Variants in CADM2 observed in about 807,000 individuals in gnomAD.
CADM2 encodes the protein immunoglobulin superfamily member 4D.
Under a neutral mutation model 49.8 loss-of-function variants are expected in CADM2, and 12 were observed. The observed-to-expected ratio is 0.24, with a 90% CI of 0.15 to 0.39. The LOEUF is 0.39. Among genes scored for constraint, CADM2 ranks in the 10% least tolerant of loss-of-function variants. CADM2 has a pLI of 1.00. For synonymous variants in CADM2, 214 were observed against 175.4 expected (o/e 1.22, Z -1.74); for missense variants, 378 against 492.3 (o/e 0.77, Z 2.20).
At position 85,191,945 on chromosome 3, in the gene CADM2, T is replaced by TTGTATGTGTG. The variant is rs5850675; in HGVS notation, c.61+232280_61+232281insATGTGTGTGT. 5.4e-5 allele frequency among the ~76,000 whole-genome samples: 8 copies of TTGTATGTGTG among 149,106 alleles called. No homozygotes were observed. In the South Asian group the frequency reaches 1.3e-3, roughly 24 times the overall value. ...AATAGAGAGTAATAAGATGAAACAG[T>TTGTATGTGTG]TGTGTGTGTGTGTGTGTGTGTGTGT... On this transcript the variant is annotated intron_variant, in intron 1 of 9. Transcript: ENST00000383699.
intron 5 of CADM2, among the ~76,000 whole-genome samples, chr3:85,904,460 C>G (rs1352127143): frequency 6.6e-6 from 1 of 152,142 alleles, no homozygotes; most frequent in Non-Finnish European, 1.5e-5. Flanking sequence ...GTACATCTAT[C>G]CAGTTTTCCT....
In CADM2 at chr3:85,158,023, C is replaced by T. The variant is rs187586521; in HGVS notation, c.61+198355C>T. On this transcript the variant is annotated intron_variant, in intron 1 of 9. Coordinates refer to ENST00000383699, the MANE Select transcript of CADM2 (RefSeq NM_001167675.2). Reference sequence around the variant, plus strand: ...AAAACAAACAATCCCATCAAAAAGTCGGCGAAGGACATGAACAGACACTTC... The same window carrying T: ...AAAACAAACAATCCCATCAAAAAGTTGGCGAAGGACATGAACAGACACTTC... 3.7e-3 allele frequency among the ~76,000 whole-genome samples: 566 copies of T among 152,056 alleles called. 5 individuals carry two copies. The highest frequency in any genetic ancestry group is 0.013 in the African/African-American group (539 of 41,482).
chr3:85,667,113 T>C (rs1410979261), intron 1 of CADM2, among the ~76,000 whole-genome samples: 1 of 151,948 alleles, frequency 6.6e-6, no homozygotes, highest in Non-Finnish European at 1.5e-5. Context: ...GGTAAAATCA[T>C]AATAAGAGCA....
intron 1 of CADM2, among the ~76,000 whole-genome samples, chr3:85,234,015 A>G (rs1186893329): frequency 6.6e-6 from 1 of 152,140 alleles, no homozygotes; most frequent in Non-Finnish European, 1.5e-5. Context: ...GAAGTTCTAC[A>G]TGGATTATCT....
chr3:85,792,496 CAA>C (rs1249653210), intron 2 of CADM2, among the ~76,000 whole-genome samples: 10 of 152,192 alleles, frequency 6.6e-5, no homozygotes, highest in Non-Finnish European at 1.5e-4. Context: ...AAATAGCTCA[CAA>C]AATTTGATCA....
At chr3:85,456,359 A>G (rs2037989419) in intron 1 of CADM2, among the ~76,000 whole-genome samples, 1 of 152,124 alleles carries the variant, frequency 6.6e-6, no homozygotes, top group Admixed American at 6.5e-5. Flanking sequence ...AGACCACACA[A>G]TACTATAGCC....
intron 1 of CADM2, among the ~76,000 whole-genome samples, chr3:85,605,264 A>G (rs2063513306): frequency 6.6e-6 from 1 of 152,118 alleles, no homozygotes; most frequent in Non-Finnish European, 1.5e-5. Flanking sequence ...CACAAAACTC[A>G]GAAAGGCAAA....
intron 1 of CADM2, among the ~76,000 whole-genome samples, chr3:85,490,413 C>T (rs1248527055): frequency 6.6e-6 from 1 of 151,192 alleles, no homozygotes. Flanking sequence ...GTGTTTTTAA[C>T]TCAATGTAAA....
chr3:85,251,820 C>T (rs2042780440), intron 1 of CADM2, among the ~76,000 whole-genome samples: 1 of 151,904 alleles, frequency 6.6e-6, no homozygotes, highest in South Asian at 2.1e-4. Flanking sequence ...GGTTTTTATA[C>T]CGAAAGCACT....
At chr3:85,429,227 A>G (rs1234762959) in intron 1 of CADM2, among the ~76,000 whole-genome samples, 2 of 152,028 alleles carry the variant, frequency 1.3e-5, no homozygotes, top group Non-Finnish European at 2.9e-5. Flanking sequence ...AATAATCTGT[A>G]CGTGTTTAGT....
intron 1 of CADM2, among the ~76,000 whole-genome samples, chr3:85,336,356 T>C (rs2045078292): frequency 6.6e-6 from 1 of 151,580 alleles, no homozygotes; most frequent in Non-Finnish European, 1.5e-5. Flanking sequence ...TTATTTGTTA[T>C]AGGCCAGTTA....
intron 1 of CADM2, among the ~76,000 whole-genome samples, chr3:85,049,818 G>A (rs973913456): frequency 3.3e-5 from 5 of 152,034 alleles, no homozygotes; most frequent in African/African-American, 1.2e-4. Context: ...ATGAAAGTTA[G>A]ATAGATAATT....
intron 1 of CADM2, among the ~76,000 whole-genome samples, chr3:85,400,188 C>A (rs1008077858): frequency 1.3e-5 from 2 of 152,120 alleles, no homozygotes; most frequent in African/African-American, 4.8e-5. Context: ...AAGGCCTTTT[C>A]TGCATCTATT....
intron 1 of CADM2, among the ~76,000 whole-genome samples, chr3:85,295,096 A>G (rs2043919724): frequency 6.6e-6 from 1 of 152,200 alleles, no homozygotes; most frequent in South Asian, 2.1e-4. Flanking sequence ...ATTTAGAAGA[A>G]AAAAACAAAC....
intron 1 of CADM2, among the ~76,000 whole-genome samples, chr3:85,002,100 A>G (rs2033493714): frequency 6.6e-6 from 1 of 151,962 alleles, no homozygotes; most frequent in Non-Finnish European, 1.5e-5. Flanking sequence ...TCTTAACATG[A>G]TTTGCTCAAT....
At chr3:85,917,527 A>G (rs1166147311) in intron 6 of CADM2, among the ~76,000 whole-genome samples, 1 of 152,020 alleles carries the variant, frequency 6.6e-6, no homozygotes, top group African/African-American at 2.4e-5. Flanking sequence ...ATTGGCCTAT[A>G]TCTCTGTTTT....
chr3:85,853,828 T>C (rs1336241843), intron 3 of CADM2, among the ~76,000 whole-genome samples: 1 of 152,130 alleles, frequency 6.6e-6, no homozygotes, highest in African/African-American at 2.4e-5. Context: ...GTGCTTGAAG[T>C]TCCACTTTAG....
At chr3:85,785,189 C>G (rs1054484564) in intron 2 of CADM2, among the ~76,000 whole-genome samples, 1 of 152,044 alleles carries the variant, frequency 6.6e-6, no homozygotes, top group African/African-American at 2.4e-5. Context: ...CTCAATCTGG[C>G]TAAAGGTTGG....
At chr3:85,975,944 G>A (rs532575344) in intron 8 of CADM2, among the ~76,000 whole-genome samples, 1 of 151,394 alleles carries the variant, frequency 6.6e-6, no homozygotes, top group South Asian at 2.1e-4. Flanking sequence ...ATTAATCATA[G>A]GATGTTACCA....
Sources: gnomAD v4.1 joint callset for allele counts (sites outside exome capture counted in the v4.1 genomes callset) on GRCh38, gnomAD v4.1.1 for gene constraint, MANE v1.5 for transcripts, NCBI Gene and HGNC (gene_info 2026-07-23, HGNC 2026-07-21) for gene names.